SNX25: variants seen among roughly 807,000 people sequenced by gnomAD.
SNX25 encodes the protein sorting nexin-25.
In SNX25, 62 loss-of-function variants were observed where a neutral mutation model predicts 113.7. That is an observed-to-expected ratio of 0.55 (90% CI 0.44 to 0.67). SNX25 has a LOEUF of 0.67. SNX25 is among the 30% of genes least tolerant of loss of function. The pLI is 0.00. For synonymous variants in SNX25, 421 were observed against 436.2 expected, an observed-to-expected ratio of 0.97 and a Z score of 0.43; for missense variants, 1,014 against 1,161.0, an observed-to-expected ratio of 0.87 and a Z score of 1.84.
chr4:185,322,645 A>G (rs900543026), intron 8 of SNX25, among the ~76,000 whole-genome samples: 3 of 152,184 alleles, frequency 2.0e-5, no homozygotes, highest in South Asian at 2.1e-4. Flanking sequence ...TGCTAACTCT[A>G]TTACTCATTT....
intron 15 of SNX25, among the ~76,000 whole-genome samples, chr4:185,355,135 G>A (rs1267987059): frequency 6.6e-6 from 1 of 152,198 alleles, no homozygotes; most frequent in Non-Finnish European, 1.5e-5. Flanking sequence ...TGTCTTCTGT[G>A]TCTTAATCCT....
At chr4:185,222,549 CG>C (rs1258829624) in intron 1 of SNX25, among the ~76,000 whole-genome samples, 1 of 152,168 alleles carries the variant, frequency 6.6e-6, no homozygotes, top group Non-Finnish European at 1.5e-5. Context: ...ATATCCCCTT[CG>C]TGGTAGCTAT....
At chr4:185,313,268 A>T (rs1337089174) in intron 7 of SNX25, among the ~76,000 whole-genome samples, 1 of 152,210 alleles carries the variant, frequency 6.6e-6, no homozygotes, top group Non-Finnish European at 1.5e-5. Context: ...TAGAGCAGCT[A>T]CTGTGAATAT....
chr4:185,248,832 C>T (rs1216374272), intron 2 of SNX25, among the ~76,000 whole-genome samples: 1 of 152,012 alleles, frequency 6.6e-6, no homozygotes, highest in Admixed American at 6.6e-5. Flanking sequence ...CTCATGCTCC[C>T]CTTTGATCAA....
upstream of SNX25, among the ~76,000 whole-genome samples, chr4:185,204,801 C>G (rs1737115106): frequency 6.6e-6 from 1 of 152,166 alleles, no homozygotes; most frequent in African/African-American, 2.4e-5. Flanking sequence ...GGCAATGAGC[C>G]AAGGAGTGCA....
chr4:185,241,070 C>T (rs1458081912), intron 1 of SNX25, among the ~76,000 whole-genome samples: 8 of 150,944 alleles, frequency 5.3e-5, no homozygotes, highest in South Asian at 2.1e-4. Context: ...ACTTCCCAGA[C>T]GGGGTGGCGG....
At chr4:185,333,601 G>C (rs1222948151) in intron 10 of SNX25, among the ~76,000 whole-genome samples, 1 of 152,130 alleles carries the variant, frequency 6.6e-6, no homozygotes, top group African/African-American at 2.4e-5. Context: ...CTATAATCCA[G>C]TTACTGTCTA....
intron 3 of SNX25, among the ~76,000 whole-genome samples, chr4:185,263,210 A>C (rs1466702295): frequency 6.6e-6 from 1 of 152,180 alleles, no homozygotes; most frequent in African/African-American, 2.4e-5. Context: ...ATATTGTTTA[A>C]ATAAGCTTCT....
Position 185,227,759 on chromosome 4 carries a change from T to G in SNX25, c.429+17504T>G, listed in dbSNP as rs542430059. Among the ~76,000 whole-genome samples, 3 of 152,302 alleles carry G rather than the reference T, an allele frequency of 2.0e-5. No individual in the cohort carries two copies. The East Asian group carries it at 5.8e-4, about 29-fold the overall frequency. On this transcript the variant is annotated intron_variant, in intron 1 of 18. Coordinates refer to ENST00000652585, the MANE Select transcript of SNX25 (RefSeq NM_001378034.2). Reference sequence around the variant, plus strand: ...TGAGATGCCTGTGGATCTGTCCAGCTGGCGGCTAGGTCTGCAGGCGTGCAG... The same window carrying G: ...TGAGATGCCTGTGGATCTGTCCAGCGGGCGGCTAGGTCTGCAGGCGTGCAG...
At chr4:185,214,384 C>G (rs572578612) in intron 1 of SNX25, among the ~76,000 whole-genome samples, 4 of 132,028 alleles carry the variant, frequency 3.0e-5, no homozygotes, top group African/African-American at 1.2e-4. Flanking sequence ...TAGAGAAACT[C>G]CATCTCTACC....
intron 4 of SNX25, 116 bp downstream of exon 4, chr4:185,264,726 A>G: frequency 8.9e-7 from 1 of 1,128,094 alleles, no homozygotes; most frequent in Non-Finnish European, 1.2e-6. Context: ...AATCTTGTTT[A>G]TATGTCTCTA....
At chr4:185,240,188 C>A (rs1302640192) in intron 1 of SNX25, among the ~76,000 whole-genome samples, 1 of 152,014 alleles carries the variant, frequency 6.6e-6, no homozygotes, top group East Asian at 1.9e-4. Flanking sequence ...ACATGGCAAC[C>A]ATCCGATTTC....
At chr4:185,241,922 A>T (rs1744117756) in intron 1 of SNX25, among the ~76,000 whole-genome samples, 1 of 152,132 alleles carries the variant, frequency 6.6e-6, no homozygotes, top group South Asian at 2.1e-4. Flanking sequence ...TAAATAGGAG[A>T]ATGAAGACAA....
intron 13 of SNX25, among the ~76,000 whole-genome samples, chr4:185,349,554 T>C (rs754892037): frequency 6.6e-6 from 1 of 152,224 alleles, no homozygotes; most frequent in South Asian, 2.1e-4. Flanking sequence ...TTCCCTTTTC[T>C]TTCATATCCT....
chr4:185,346,867 C>T (rs1396225131), intron 13 of SNX25, among the ~76,000 whole-genome samples: 1 of 152,152 alleles, frequency 6.6e-6, no homozygotes, highest in Non-Finnish European at 1.5e-5. Flanking sequence ...TGAACACACC[C>T]ATGTAACCAG....
At chr4:185,346,500 T>A in intron 12 of SNX25, 37 bp from the exon 13 acceptor site, 1 of 1,308,560 alleles carries the variant, frequency 7.6e-7, no homozygotes, top group Non-Finnish European at 1.1e-6. Flanking sequence ...TAAAATGTAA[T>A]TTCAAAATAC....
chr4:185,351,677 TGGG>T, intron 14 of SNX25, 68 bp downstream of exon 14: 1 of 1,513,852 alleles, frequency 6.6e-7, no homozygotes, highest in East Asian at 2.3e-5. Flanking sequence ...ATGCTCCTCA[TGGG>T]GGGAAGCAAA....
At chr4:185,258,681 A>C (rs1025333043) in intron 2 of SNX25, among the ~76,000 whole-genome samples, 167 bp from the exon 3 acceptor site, 2 of 152,194 alleles carry the variant, frequency 1.3e-5, no homozygotes, top group African/African-American at 2.4e-5. Context: ...TTAGATGAGA[A>C]TCTTTCGTTT....
At chr4:185,310,863 A>C in intron 7 of SNX25, 47 bp downstream of exon 7, 1 of 1,523,612 alleles carries the variant, frequency 6.6e-7, no homozygotes, top group Non-Finnish European at 8.8e-7. Context: ...GTTTATTATA[A>C]ATGCTGATAG....
Sources: allele counts gnomAD v4.1 joint callset (sites outside exome capture counted in the v4.1 genomes callset), GRCh38; gene constraint gnomAD v4.1.1; transcripts MANE v1.5; gene names NCBI Gene and HGNC (gene_info 2026-07-23, HGNC 2026-07-21).